The following FBXO17 variants were observed in gnomAD, a reference collection of about 807,000 sequenced individuals.
FBXO17 encodes the protein F-box only protein 17.
A neutral mutation model predicts 34.1 loss-of-function variants in FBXO17; 43 were observed. The observed-to-expected ratio is 1.26, with a 90% CI of 0.99 to 1.62. The LOEUF (loss-of-function observed/expected upper bound fraction) is 1.62. FBXO17 is among the 40% of genes most tolerant of loss of function. The pLI is 0.00. For missense variants in FBXO17, 424 were observed against 386.7 expected, an observed-to-expected ratio of 1.10 and a Z score of -0.81; for synonymous variants, 169 against 166.0, an observed-to-expected ratio of 1.02 and a Z score of -0.14.
chr19:38,957,277 TG>T (rs1299201865), intron 1 of FBXO17, among the ~76,000 whole-genome samples: 3 of 152,202 alleles, frequency 2.0e-5, no homozygotes, highest in Non-Finnish European at 4.4e-5. Context: ...CTGCCTGGCA[TG>T]GGTGTGATGT....
At chr19:38,966,182 C>T (rs183372432) in intron 1 of FBXO17, among the ~76,000 whole-genome samples, 1 of 151,992 alleles carries the variant, frequency 6.6e-6, no homozygotes, top group African/African-American at 2.4e-5. Flanking sequence ...GTTAGTCAGG[C>T]TGGTCTCGAA....
At chr19:38,974,628 G>A (rs2144850388) in intron 1 of FBXO17, among the ~76,000 whole-genome samples, 1 of 152,190 alleles carries the variant, frequency 6.6e-6, no homozygotes, top group Middle Eastern at 3.4e-3. Context: ...CCATGGACGC[G>A]TTGTCTAAAA....
intron 2 of FBXO17, among the ~76,000 whole-genome samples, chr19:38,949,281 G>A (rs1049810382): frequency 6.6e-6 from 1 of 151,816 alleles, no homozygotes; most frequent in African/African-American, 2.4e-5. Context: ...TTGTATTTTA[G>A]TAGAGATGGG....
rs768982244 is a variant in FBXO17, at chr19:38,950,188, T to G, written c.132A>C (p.Pro44=). 1.3e-6 allele frequency: 2 copies of G among 1,557,170 alleles called. No homozygotes were observed. The highest frequency in any genetic ancestry group is 2.3e-5 in the South Asian group (2 of 85,344). Reference sequence around the variant, plus strand: ...CTATGTCGCGCCAGGCGCGGCACACTGGGCGGCATCGCGTGACCAAGGAGC... The same window carrying G: ...CTATGTCGCGCCAGGCGCGGCACACGGGGCGGCATCGCGTGACCAAGGAGC... ...PPRSLVTRCR[P]VCRAWRDIVD... The change falls in exon 2 of 6, where the codon CCA becomes CCC. Residue 44 remains proline (P), a synonymous_variant. Coordinates refer to ENST00000292852, the MANE Select transcript of FBXO17 (RefSeq NM_024907.7).
intron 1 of FBXO17, among the ~76,000 whole-genome samples, chr19:38,951,081 C>T (rs1056960529): frequency 1.3e-5 from 2 of 152,284 alleles, no homozygotes; most frequent in South Asian, 2.1e-4. Context: ...TGAGCCACCA[C>T]GCCCAGCCTG....
intron 1 of FBXO17, among the ~76,000 whole-genome samples, chr19:38,973,589 C>T (rs984422744): frequency 2.0e-5 from 3 of 152,216 alleles, no homozygotes; most frequent in East Asian, 3.9e-4. Context: ...AAAATTAAGG[C>T]AAACTTTTCT....
rs190317709 is a variant in FBXO17, at chr19:38,943,365, G to A, written c.694-614C>T. Among the ~76,000 whole-genome samples, 178 of 144,466 alleles carry A rather than the reference G, an allele frequency of 1.2e-3. 1 individual carries two copies. The highest frequency in any genetic ancestry group is 4.0e-3 in the African/African-American group (156 of 38,770). The allele number at this position is 144,466 out of a possible 152,430, so 94.8% of individuals were successfully genotyped here. ...TTTGGCTCAATGCAACCTCCACCTC[G>A]CAGGTTCAAGCGATTCTCCTGTCTC... On this transcript the variant is annotated intron_variant, in intron 5 of 5. Coordinates refer to ENST00000292852, the MANE Select transcript of FBXO17 (RefSeq NM_024907.7).
intron 1 of FBXO17, among the ~76,000 whole-genome samples, chr19:38,974,020 A>ATATATATATATG (rs1439202496): frequency 1.0e-4 from 13 of 127,464 alleles, no homozygotes; most frequent in African/African-American, 3.3e-4. Flanking sequence ...ATATATGTGT[A>ATATATATATATG]TATATATATA....
In FBXO17 at chr19:38,942,669, A is replaced by G. The variant is rs761494345; in HGVS notation, c.776T>C (p.Val259Ala). The G allele has an allele frequency of 3.1e-6, 5 of 1,601,638 alleles. No homozygotes were observed. The highest frequency in any genetic ancestry group is 3.4e-6 in the Non-Finnish European group (4 of 1,175,238). The change falls in exon 6 of 6, where the codon GTG becomes GCG. Residue 259 changes from valine (V) to alanine (A), a missense_variant. By Grantham distance (64) the Val-to-Ala change is moderately conservative. Transcript: ENST00000292852. Reference protein sequence around the residue: ...EQYGRDVSSWVGHYGALVTHS... With the variant: ...EQYGRDVSSWAGHYGALVTHS... The stretch of plus-strand genomic sequence containing the variant: ...GGTCACAAGGGCGCCATAGTGCCCC[A>G]CCCAGGAACTCACGTCTCTCCCGTA...
intron 5 of FBXO17, among the ~76,000 whole-genome samples, chr19:38,944,156 A>C (rs1450199008): frequency 6.6e-6 from 1 of 152,108 alleles, no homozygotes; most frequent in African/African-American, 2.4e-5. Flanking sequence ...TTGCAGTGTG[A>C]ATTCATGCTT....
chr19:38,943,950 A>G (rs2144806721), intron 5 of FBXO17, among the ~76,000 whole-genome samples: 1 of 152,288 alleles, frequency 6.6e-6, no homozygotes. Context: ...GATATTATGC[A>G]GCCATCACCA....
chr19:38,958,863 A>G (rs746460102), intron 1 of FBXO17, among the ~76,000 whole-genome samples: 1 of 152,136 alleles, frequency 6.6e-6, no homozygotes, highest in Admixed American at 6.6e-5. Context: ...CTTTCAGAGC[A>G]CTGCAGAAGG....
chr19:38,972,160 A>G (rs945223812), intron 1 of FBXO17, among the ~76,000 whole-genome samples: 2 of 152,186 alleles, frequency 1.3e-5, no homozygotes, highest in African/African-American at 4.8e-5. Flanking sequence ...CATTTTACAA[A>G]ACAGACTGAG....
intron 1 of FBXO17, among the ~76,000 whole-genome samples, chr19:38,958,663 G>A (rs1161072910): frequency 6.6e-6 from 1 of 152,082 alleles, no homozygotes; most frequent in Non-Finnish European, 1.5e-5. Flanking sequence ...CTGTCAGAGT[G>A]ACCGGGGAAT....
intron 2 of FBXO17, 196 bp downstream of exon 2, chr19:38,949,775 T>C (rs1404914889): frequency 4.5e-6 from 3 of 673,500 alleles, no homozygotes; most frequent in African/African-American, 3.8e-5. Context: ...CGCCCACTCG[T>C]TCGGATTCCC....
chr19:38,955,170 A>T (rs1012476547), intron 1 of FBXO17, among the ~76,000 whole-genome samples: 6 of 151,112 alleles, frequency 4.0e-5, no homozygotes, highest in Admixed American at 6.6e-5. Context: ...TGACCTCATG[A>T]TCCGCCCGCC....
intron 1 of FBXO17, among the ~76,000 whole-genome samples, chr19:38,974,279 T>C (rs1204674835): frequency 6.6e-6 from 1 of 151,722 alleles, no homozygotes; most frequent in Non-Finnish European, 1.5e-5. Context: ...ACGGGGTTCA[T>C]GTTGGCCAGG....
At chr19:38,972,656 AC>A (rs1316149246) in intron 1 of FBXO17, among the ~76,000 whole-genome samples, 1 of 152,066 alleles carries the variant, frequency 6.6e-6, no homozygotes, top group Non-Finnish European at 1.5e-5. Flanking sequence ...AAATAATCTT[AC>A]TTTATTTTCT....
chr19:38,952,599 C>T (rs765884935), intron 1 of FBXO17: 2 of 534,418 alleles, frequency 3.7e-6, no homozygotes, highest in African/African-American at 1.9e-5. Flanking sequence ...TCTGCTGACC[C>T]AGATCATGAC....
Sources: gnomAD v4.1 joint callset for allele counts (sites outside exome capture counted in the v4.1 genomes callset) on GRCh38, gnomAD v4.1.1 for gene constraint, MANE v1.5 for transcripts, NCBI Gene and HGNC (gene_info 2026-07-23, HGNC 2026-07-21) for gene names.